Variants in SP100 observed in about 807,000 individuals in gnomAD.
SP100 encodes the protein nuclear autoantigen Sp-100.
Under a neutral mutation model 130.0 loss-of-function variants are expected in SP100, and 84 were observed. That is an observed-to-expected ratio of 0.65 (90% CI 0.54 to 0.77). The LOEUF (loss-of-function observed/expected upper bound fraction) is 0.77. SP100 is among the 30% of genes least tolerant of loss of function. The probability of loss-of-function intolerance (pLI) is 0.00; values close to 1 mark genes in which losing one functional copy is unlikely to be tolerated. For synonymous variants in SP100, 331 were observed against 351.7 expected (o/e 0.94, Z 0.66); for missense variants, 978 against 1,052.2 (o/e 0.93, Z 0.97).
intron 17 of SP100, among the ~76,000 whole-genome samples, chr2:230,479,025 T>C (rs1265827782): frequency 1.3e-5 from 2 of 152,186 alleles, no homozygotes; most frequent in East Asian, 1.9e-4. Context: ...TTCACCATAT[T>C]GGTTAGGCAG....
At chr2:230,529,018 T>C (rs889021330) in intron 24 of SP100, among the ~76,000 whole-genome samples, 2 of 152,196 alleles carry the variant, frequency 1.3e-5, no homozygotes, top group African/African-American at 4.8e-5. Context: ...GCTGGTCCCA[T>C]TCCTTCTGAA....
chr2:230,420,987 T>C (rs2062750200), intron 2 of SP100, among the ~76,000 whole-genome samples: 1 of 152,204 alleles, frequency 6.6e-6, no homozygotes, highest in East Asian at 1.9e-4. Flanking sequence ...CTCCTTTTCA[T>C]TCCCTGTCCA....
Position 230,449,171 on chromosome 2 carries a change from CTT to C in SP100, c.586+23_586+24del, listed in dbSNP as rs775139107. The C allele has an allele frequency of 2.1e-5, 34 of 1,613,040 alleles. No homozygotes were observed. In the South Asian group the frequency reaches 3.4e-4, roughly 16 times the overall value. On this transcript the variant is annotated intron_variant, in intron 6 of 28. Transcript: ENST00000340126. ...TGCTGGTTTGTTCCTGTTTACTACTCTTTGAGCCTCTGCTATTCTTGCCCCTT... is the reference window on the plus strand; with the variant it reads ...TGCTGGTTTGTTCCTGTTTACTACTCTGAGCCTCTGCTATTCTTGCCCCTT...
intron 17 of SP100, among the ~76,000 whole-genome samples, chr2:230,486,825 C>T (rs930215594): frequency 1.3e-5 from 2 of 152,162 alleles, no homozygotes; most frequent in African/African-American, 4.8e-5. Flanking sequence ...TTATTCACAG[C>T]CTCACCAGCA....
intron 8 of SP100, among the ~76,000 whole-genome samples, chr2:230,457,530 G>A (rs560591472): frequency 2.0e-5 from 3 of 152,232 alleles, no homozygotes; most frequent in South Asian, 2.1e-4. Context: ...TACTGAAGTC[G>A]GTTCTGTGGT....
chr2:230,528,443 T>C (rs1474352602), intron 24 of SP100, among the ~76,000 whole-genome samples: 1 of 152,142 alleles, frequency 6.6e-6, no homozygotes, highest in Non-Finnish European at 1.5e-5. Flanking sequence ...TAGAGGGAAA[T>C]TTATAGCACT....
intron 2 of SP100, among the ~76,000 whole-genome samples, chr2:230,440,042 T>C (rs2063421443): frequency 6.6e-6 from 1 of 152,118 alleles, no homozygotes. Context: ...CAGGAATATG[T>C]ATAAAGGTAT....
intron 14 of SP100, chr2:230,469,777 A>C: frequency 7.3e-7 from 1 of 1,363,796 alleles, no homozygotes; most frequent in Non-Finnish European, 9.6e-7. Flanking sequence ...TTTTTCCCAA[A>C]GTTAAAAAAA....
intron 24 of SP100, among the ~76,000 whole-genome samples, chr2:230,537,007 T>G (rs1691971423): frequency 6.6e-6 from 1 of 152,166 alleles, no homozygotes; most frequent in South Asian, 2.1e-4. Flanking sequence ...CCTGCAATCC[T>G]AGCACTTTGG....
rs761078796 is a variant in SP100 at position 230,542,075 on chromosome 2, A to G, written c.2547+40A>G. 24 of 1,600,794 alleles carry G rather than the reference A, an allele frequency of 1.5e-5. No homozygotes were observed. In the Admixed American group the frequency reaches 3.7e-4, roughly 25 times the overall value. On this transcript the variant is annotated intron_variant, in intron 28 of 28. Transcript: ENST00000340126. ...CTGCTTCCTTTTCTCTTTCAATTACATCACTTTAAAGTCACTTTCCCTGTC... is the reference window on the plus strand; with the variant it reads ...CTGCTTCCTTTTCTCTTTCAATTACGTCACTTTAAAGTCACTTTCCCTGTC...
intron 20 of SP100, among the ~76,000 whole-genome samples, chr2:230,503,388 G>T (rs1575762668): frequency 6.6e-6 from 1 of 152,054 alleles, no homozygotes; most frequent in Admixed American, 6.6e-5. Flanking sequence ...ATACTTGGGG[G>T]TACATGTGAC....
At chr2:230,472,302 G>A (rs1207331064) in intron 15 of SP100, among the ~76,000 whole-genome samples, 1 of 151,694 alleles carries the variant, frequency 6.6e-6, no homozygotes, top group Non-Finnish European at 1.5e-5. Flanking sequence ...GTGGCAGGCA[G>A]CTGTAGCTCC....
intron 2 of SP100, among the ~76,000 whole-genome samples, chr2:230,418,946 C>T (rs943944582): frequency 3.3e-5 from 5 of 152,108 alleles, no homozygotes; most frequent in Non-Finnish European, 5.9e-5. Flanking sequence ...GTCAAAATCT[C>T]GAGATTTTGT....
In SP100 at chr2:230,462,509, A is replaced by G. The variant is rs1272813894; in HGVS notation, c.1048A>G (p.Ser350Gly). 1.9e-6 allele frequency: 3 copies of G among 1,613,112 alleles called. No homozygotes were observed. The highest frequency in any genetic ancestry group is 3.3e-5 in the Admixed American group (2 of 60,006). Residue 350 changes from serine (S) to glycine (G), a missense_variant, in exon 10 of 29, where the codon AGT (serine) becomes GGT (glycine). Ser to Gly is a moderately conservative substitution (Grantham distance 56). Transcript: ENST00000340126. ...AGAAGTCTTCATCTCAGCACCGAGA[A>G]GTGAGCCTGGTAAGGAAGTTTGGGA... ...PLEVFISAPR[S>G]EPVINNDNPL...
chr2:230,460,613 TTTTTTTTTTTTTTTTTTTTTTG>T (rs1162657230), intron 8 of SP100, among the ~76,000 whole-genome samples: 1 of 5,658 alleles, frequency 1.8e-4, no homozygotes, highest in Admixed American at 1.1e-3. Flanking sequence ...TTTTTTTTTT[TTTTTTTTTTTTTTTTTTTTTTG>T]AGACGGAGTC....
intron 18 of SP100, among the ~76,000 whole-genome samples, chr2:230,494,793 T>C (rs1270898613): frequency 1.3e-5 from 2 of 152,226 alleles, no homozygotes; most frequent in Non-Finnish European, 1.5e-5. Flanking sequence ...CAGCCATTTA[T>C]TTATTTTAAT....
intron 24 of SP100, 95 bp downstream of exon 24, chr2:230,511,261 C>G: frequency 1.1e-6 from 1 of 894,582 alleles, no homozygotes; most frequent in East Asian, 2.4e-5. Flanking sequence ...CATGCTCAGT[C>G]TCAGTTGGAG....
intron 2 of SP100, among the ~76,000 whole-genome samples, chr2:230,421,354 G>A (rs903545003): frequency 1.3e-5 from 2 of 152,136 alleles, no homozygotes; most frequent in Admixed American, 1.3e-4. Flanking sequence ...GTTAGTTTCA[G>A]CTTCCAAGGC....
chr2:230,522,074 A>G (rs1226007906), intron 24 of SP100, among the ~76,000 whole-genome samples: 1 of 152,132 alleles, frequency 6.6e-6, no homozygotes, highest in Non-Finnish European at 1.5e-5. Context: ...CTGAGTGTTC[A>G]TTGCAGGTAC....
Sources: allele counts gnomAD v4.1 joint callset (sites outside exome capture counted in the v4.1 genomes callset), GRCh38; gene constraint gnomAD v4.1.1; transcripts MANE v1.5; gene names NCBI Gene and HGNC (gene_info 2026-07-23, HGNC 2026-07-21).